ADGRG5: variants seen among roughly 807,000 people sequenced by gnomAD.
The protein encoded by ADGRG5 is adhesion G protein-coupled receptor G5.
A neutral mutation model predicts 53.2 loss-of-function variants in ADGRG5; 37 were observed. That is an observed-to-expected ratio of 0.70 (90% CI 0.53 to 0.91). The LOEUF (loss-of-function observed/expected upper bound fraction) is 0.91, where lower values mean the gene tolerates loss of function less well. Ranked by LOEUF, ADGRG5 falls within the 40% of genes least tolerant of loss-of-function variation. ADGRG5 has a pLI of 0.00. For synonymous variants in ADGRG5, 277 were observed against 290.4 expected (o/e 0.95, Z 0.47); for missense variants, 614 against 675.8 (o/e 0.91, Z 1.01).
intron 1 of ADGRG5, among the ~76,000 whole-genome samples, chr16:57,547,890 C>T (rs1274547000): frequency 6.6e-6 from 1 of 152,212 alleles, no homozygotes; most frequent in African/African-American, 2.4e-5. Context: ...GCTAGGATTA[C>T]ACGTGTGCCA....
intron 4 of ADGRG5, among the ~76,000 whole-genome samples, chr16:57,563,600 G>T (rs1303589234): frequency 6.6e-6 from 1 of 152,228 alleles, no homozygotes; most frequent in African/African-American, 2.4e-5. Flanking sequence ...GCTGGTGCTG[G>T]GGCTGGGTGC....
At chr16:57,553,941 A>G (rs1038014195) in intron 1 of ADGRG5, among the ~76,000 whole-genome samples, 5 of 152,206 alleles carry the variant, frequency 3.3e-5, no homozygotes, top group Admixed American at 3.3e-4. Context: ...TAGAATTGAT[A>G]TTATAACTTT....
At chr16:57,558,578 G>C (rs1250185698) in intron 1 of ADGRG5, among the ~76,000 whole-genome samples, 4 of 152,242 alleles carry the variant, frequency 2.6e-5, no homozygotes, top group South Asian at 2.1e-4. Context: ...AGCCCCAGGA[G>C]TAGGGCTTTC....
intron 9 of ADGRG5, among the ~76,000 whole-genome samples, chr16:57,569,217 C>T (rs1362410608): frequency 6.6e-6 from 1 of 151,420 alleles, no homozygotes; most frequent in Admixed American, 6.6e-5. Flanking sequence ...CCTCCACTTC[C>T]TTCACCACCA....
chr16:57,575,352 G>A, intron 11 of ADGRG5, 86 bp from the exon 12 acceptor site: 1 of 1,295,912 alleles, frequency 7.7e-7, no homozygotes, highest in South Asian at 1.3e-5. Context: ...ATGGGCCCCA[G>A]GGAGGCCAGC....
intron 6 of ADGRG5, 75 bp downstream of exon 6, chr16:57,565,225 T>C (rs1170163323): frequency 1.2e-6 from 1 of 845,224 alleles, no homozygotes; most frequent in African/African-American, 1.7e-5. Context: ...CTGGTTTGAC[T>C]AGACCCAAAC....
chr16:57,553,957 A>G (rs1395082509), intron 1 of ADGRG5, among the ~76,000 whole-genome samples: 3 of 152,176 alleles, frequency 2.0e-5, no homozygotes, highest in African/African-American at 7.2e-5. Flanking sequence ...ACTTTTTTAA[A>G]TGTTTGGAAG....
At chr16:57,555,913 G>A (rs1414312702) in intron 1 of ADGRG5, among the ~76,000 whole-genome samples, 1 of 152,148 alleles carries the variant, frequency 6.6e-6, no homozygotes, top group African/African-American at 2.4e-5. Flanking sequence ...TAGTGAGTGA[G>A]TTCTCAGAAG....
upstream of ADGRG5, among the ~76,000 whole-genome samples, chr16:57,540,291 GCT>G (rs1413940860): frequency 6.6e-6 from 1 of 152,140 alleles, no homozygotes; most frequent in Admixed American, 6.5e-5. Flanking sequence ...TTAGCTCTAA[GCT>G]GAGGCTTTTG....
intron 10 of ADGRG5, among the ~76,000 whole-genome samples, chr16:57,573,391 A>G (rs1360536644): frequency 3.4e-5 from 5 of 148,992 alleles, no homozygotes; most frequent in African/African-American, 1.0e-4. Flanking sequence ...CCAAGATCAC[A>G]TCACTGCACT....
upstream of ADGRG5, among the ~76,000 whole-genome samples, chr16:57,538,497 T>C (rs2032441073): frequency 6.8e-6 from 1 of 146,376 alleles, no homozygotes; most frequent in South Asian, 2.1e-4. Context: ...CCCAGCTAAC[T>C]TGGGAGGCAG....
At chr16:57,535,981 C>T in the ADGRG5 span, among the ~76,000 whole-genome samples, 1 of 152,212 alleles carries the variant, frequency 6.6e-6, no homozygotes, top group African/African-American at 2.4e-5. Flanking sequence ...AAGCCGCTGG[C>T]CCTGCGAACC....
chr16:57,549,555 A>T (rs1310365849), intron 1 of ADGRG5, among the ~76,000 whole-genome samples: 1 of 152,112 alleles, frequency 6.6e-6, no homozygotes, highest in Admixed American at 6.6e-5. Context: ...TTGGATTTCT[A>T]AAGTCTTGTC....
chr16:57,529,098 G>T, the ADGRG5 span: 9 of 1,177,576 alleles, frequency 7.6e-6, no homozygotes, highest in Non-Finnish European at 8.4e-6. This position sits in a 1 kb window ranked among gnomAD's most constrained non-coding sequence, Gnocchi z 4.1. Context: ...CTCCGGCGAC[G>T]GGCTGCCCAG....
intron 11 of ADGRG5, 97 bp from the exon 12 acceptor site, chr16:57,575,341 C>A: frequency 8.5e-7 from 1 of 1,180,446 alleles, no homozygotes; most frequent in Non-Finnish European, 1.2e-6. Flanking sequence ...GGGAGTTGCC[C>A]ATGGGCCCCA....
In ADGRG5 at chr16:57,559,937, G is replaced by A. The variant is rs115446790; in HGVS notation, c.-38-2119G>A. On this transcript the variant is annotated intron_variant, in intron 1 of 11. Coordinates refer to ENST00000349457, the MANE Select transcript of ADGRG5 (RefSeq NM_001304376.3). ...TACATTCCATATTAAATCATGTAGCGGCATTTCGTTTTCTTGTACAACTTG... is the reference window on the plus strand; with the variant it reads ...TACATTCCATATTAAATCATGTAGCAGCATTTCGTTTTCTTGTACAACTTG... Among the ~76,000 whole-genome samples, 339 of 151,996 alleles carry A rather than the reference G, an allele frequency of 2.2e-3. 1 individual carries two copies. The highest frequency in any genetic ancestry group is 7.5e-3 in the African/African-American group (309 of 41,436).
At chr16:57,538,525 C>T (rs142917278), upstream of ADGRG5, among the ~76,000 whole-genome samples, 363 of 152,290 alleles carry the variant, frequency 2.4e-3, 2 homozygotes, top group African/African-American at 8.3e-3. Flanking sequence ...AGGATCGTCT[C>T]GAGTAACTGG....
rs781739944 is a variant in ADGRG5, at chr16:57,570,551, G to A, written c.1208+16G>A. On this transcript the variant is annotated intron_variant, in intron 10 of 11. Coordinates refer to ENST00000349457, the MANE Select transcript of ADGRG5 (RefSeq NM_001304376.3). Reference sequence around the variant, plus strand: ...ACATGTCCATGTGAGTGCCCTCAGGGCTGCAGTGGGCTCCCTGGCTCTGGC... The same window carrying A: ...ACATGTCCATGTGAGTGCCCTCAGGACTGCAGTGGGCTCCCTGGCTCTGGC... The A allele has an allele frequency of 6.4e-6, 10 of 1,556,044 alleles. No homozygotes were observed. In the South Asian group the frequency reaches 8.9e-5, roughly 14 times the overall value.
intron 1 of ADGRG5, among the ~76,000 whole-genome samples, chr16:57,550,313 CAA>C (rs1281302479): frequency 2.6e-5 from 4 of 152,146 alleles, no homozygotes; most frequent in African/African-American, 9.7e-5. Context: ...AGTGATTGTT[CAA>C]ATCTTTTCCT....
Sources: gnomAD v4.1 joint callset for allele counts (sites outside exome capture counted in the v4.1 genomes callset) on GRCh38, gnomAD v4.1.1 for gene constraint, Gnocchi (gnomAD v3.1) non-coding constraint, MANE v1.5 for transcripts, NCBI Gene and HGNC (gene_info 2026-07-23, HGNC 2026-07-21) for gene names.